The following SLC6A11 variants were observed in gnomAD, a reference collection of about 807,000 sequenced individuals.
SLC6A11 encodes the protein sodium- and chloride-dependent GABA transporter 3.
SLC6A11 carries 25 observed loss-of-function variants against 74.8 expected under a neutral mutation model. That is an observed-to-expected ratio of 0.33 (90% CI 0.24 to 0.47). The LOEUF (loss-of-function observed/expected upper bound fraction) is 0.47. Ranked by LOEUF, SLC6A11 falls within the 20% of genes least tolerant of loss-of-function variation. The pLI is 1.00. For synonymous variants in SLC6A11, 330 were observed against 330.2 expected, an observed-to-expected ratio of 1.00 and a Z score of 0.01; for missense variants, 574 against 837.0, an observed-to-expected ratio of 0.69 and a Z score of 3.88.
chr3:10,850,873 A>G (rs1391528771), intron 5 of SLC6A11, among the ~76,000 whole-genome samples: 1 of 152,142 alleles, frequency 6.6e-6, no homozygotes, highest in Non-Finnish European at 1.5e-5. Flanking sequence ...GAGCCCTGTT[A>G]GCATAGGACC....
At chr3:10,839,312 T>C (rs1694407816) in intron 4 of SLC6A11, among the ~76,000 whole-genome samples, 1 of 152,192 alleles carries the variant, frequency 6.6e-6, no homozygotes, top group Non-Finnish European at 1.5e-5. Flanking sequence ...ACGTGACTCA[T>C]GGTCTCACCT....
chr3:10,912,352 C>T (rs934551544), intron 7 of SLC6A11, among the ~76,000 whole-genome samples, 159 bp downstream of exon 7: 4 of 152,118 alleles, frequency 2.6e-5, no homozygotes, highest in African/African-American at 9.7e-5. Context: ...AAAGAGTGGG[C>T]CACCAAGAAG....
chr3:10,843,840 C>T (rs1186746866), intron 4 of SLC6A11, among the ~76,000 whole-genome samples: 2 of 152,222 alleles, frequency 1.3e-5, no homozygotes, highest in Admixed American at 1.3e-4. Context: ...TGGCCCCCCT[C>T]AAGTTTGGCA....
chr3:10,916,883 T>A (rs1201163216), intron 7 of SLC6A11, among the ~76,000 whole-genome samples: 3 of 152,204 alleles, frequency 2.0e-5, no homozygotes, highest in Non-Finnish European at 4.4e-5. Context: ...GACCACCAGT[T>A]CAATGCTCTC....
At position 10,851,946 on chromosome 3, in the gene SLC6A11, C is replaced by T. The variant is rs568402624; in HGVS notation, c.756+7600C>T. ...CCACCAAGGTGGGCTGGAGCACCAG[C>T]GGGGAGAGCCATCAGGAGCCCCACA... On this transcript the variant is annotated intron_variant, in intron 5 of 13. Transcript: ENST00000254488. 5.6e-4 allele frequency among the ~76,000 whole-genome samples: 86 copies of T among 152,312 alleles called. 1 individual carries two copies. The highest frequency in any genetic ancestry group is 6.6e-4 in the Non-Finnish European group (45 of 68,022).
chr3:10,906,235 A>G (rs999648334), intron 6 of SLC6A11, among the ~76,000 whole-genome samples: 4 of 152,204 alleles, frequency 2.6e-5, no homozygotes, highest in African/African-American at 9.6e-5. Context: ...TTGAGAATCA[A>G]GAAGATAAGG....
chr3:10,840,388 A>G (rs903611141), intron 4 of SLC6A11, among the ~76,000 whole-genome samples: 1 of 152,066 alleles, frequency 6.6e-6, no homozygotes, highest in Admixed American at 6.5e-5. Context: ...GATCTGCACA[A>G]GGGTCTCCTG....
At chr3:10,848,457 T>C (rs1694532360) in intron 5 of SLC6A11, among the ~76,000 whole-genome samples, 1 of 152,142 alleles carries the variant, frequency 6.6e-6, no homozygotes, top group Non-Finnish European at 1.5e-5. Flanking sequence ...GCATGTGGGA[T>C]TTTCCCCAAC....
chr3:10,820,399 C>CA, intron 3 of SLC6A11, among the ~76,000 whole-genome samples: 1 of 152,308 alleles, frequency 6.6e-6, no homozygotes, highest in African/African-American at 2.4e-5. Flanking sequence ...AAAACTTAAA[C>CA]GATCTGGTGA....
At chr3:10,836,166 C>T (rs565366145) in intron 4 of SLC6A11, among the ~76,000 whole-genome samples, 7 of 152,186 alleles carry the variant, frequency 4.6e-5, no homozygotes, top group Non-Finnish European at 1.0e-4. Context: ...CACTTTTAAG[C>T]TTTATCTATG....
chr3:10,817,510 C>A (rs1559550037), intron 1 of SLC6A11, among the ~76,000 whole-genome samples: 1 of 152,182 alleles, frequency 6.6e-6, no homozygotes, highest in Non-Finnish European at 1.5e-5. Context: ...TATAAAACCT[C>A]CTTCGGTGGC....
rs370501608 is a variant in SLC6A11, at chr3:10,824,512, C to CAT, written c.623+1129_623+1130dup. 6 of 152,238 alleles carry CAT rather than the reference C, an allele frequency of 3.9e-5. No homozygotes were observed. In the East Asian group the frequency reaches 9.6e-4, roughly 24 times the overall value. 9.4% of individuals were successfully genotyped at this position (152,238 alleles called of 1,614,324 possible). On this transcript the variant is annotated intron_variant, in intron 4 of 13. Transcript: ENST00000254488. ...CTCTCATATAAATCTTCATACTTTT[C>CAT]ATATATATATGCCCCAAATAGCACC...
rs190632216 is a variant in SLC6A11, at chr3:10,837,988, G to T, written c.624-6226G>T. On this transcript the variant is annotated intron_variant, in intron 4 of 13. Coordinates refer to ENST00000254488, the MANE Select transcript of SLC6A11 (RefSeq NM_014229.3). ...TTTTGGTTTGTGTGCTTGTTGCTTT[G>T]GGAGACCAGCAGGGCTATTTATAGC... Among the ~76,000 whole-genome samples, 61 of 152,294 alleles carry T rather than the reference G, an allele frequency of 4.0e-4. 1 individual carries two copies. The East Asian group carries it at 9.3e-3, about 23-fold the overall frequency.
At chr3:10,857,356 A>T (rs1694650950) in intron 5 of SLC6A11, among the ~76,000 whole-genome samples, 1 of 152,180 alleles carries the variant, frequency 6.6e-6, no homozygotes. Context: ...TAGGGGAAGC[A>T]TAATTATCAG....
chr3:10,876,454 C>T (rs1273582040), intron 6 of SLC6A11, among the ~76,000 whole-genome samples: 1 of 152,158 alleles, frequency 6.6e-6, no homozygotes, highest in Non-Finnish European at 1.5e-5. Flanking sequence ...CTGCCTTGAT[C>T]CAAGACAGAT....
intron 5 of SLC6A11, among the ~76,000 whole-genome samples, chr3:10,856,620 C>T (rs1694641579): frequency 6.6e-6 from 1 of 152,180 alleles, no homozygotes; most frequent in Non-Finnish European, 1.5e-5. Context: ...GTGCGTTTCC[C>T]CCTGGTACCC....
At chr3:10,854,392 AAAATAAAT>A (rs35119727) in intron 5 of SLC6A11, among the ~76,000 whole-genome samples, 7 of 152,170 alleles carry the variant, frequency 4.6e-5, no homozygotes, top group African/African-American at 1.7e-4. Context: ...TCCATCTCAA[AAAATAAAT>A]AAATAAATAA....
At chr3:10,877,077 CTA>C (rs1328316811) in intron 6 of SLC6A11, among the ~76,000 whole-genome samples, 1 of 152,182 alleles carries the variant, frequency 6.6e-6, no homozygotes, top group Non-Finnish European at 1.5e-5. Flanking sequence ...GGCTGGCAAA[CTA>C]TGGCCTTCAG....
At chr3:10,840,406 T>G (rs1694422586) in intron 4 of SLC6A11, among the ~76,000 whole-genome samples, 1 of 152,190 alleles carries the variant, frequency 6.6e-6, no homozygotes, top group South Asian at 2.1e-4. Context: ...CTGCTATGCC[T>G]GGGAGCTTCC....
Sources: gnomAD v4.1 joint callset for allele counts (sites outside exome capture counted in the v4.1 genomes callset) on GRCh38, gnomAD v4.1.1 for gene constraint, MANE v1.5 for transcripts, NCBI Gene and HGNC (gene_info 2026-07-23, HGNC 2026-07-21) for gene names.